Variants in ADGRB3 observed in about 807,000 individuals in gnomAD.
The protein encoded by ADGRB3 is brain-specific angiogenesis inhibitor 3.
ADGRB3 carries 37 observed loss-of-function variants against 193.4 expected under a neutral mutation model. That is an observed-to-expected ratio of 0.19 (90% CI 0.15 to 0.25). The LOEUF (loss-of-function observed/expected upper bound fraction) is 0.25. Ranked by LOEUF, ADGRB3 falls within the 10% of genes least tolerant of loss-of-function variation. The pLI is 1.00. For synonymous variants in ADGRB3, 690 were observed against 644.2 expected (o/e 1.07, Z -1.08); for missense variants, 1,637 against 1,852.9 (o/e 0.88, Z 2.14).
chr6:69,040,014 A>G (rs553331556), intron 13 of ADGRB3, among the ~76,000 whole-genome samples: 3 of 152,244 alleles, frequency 2.0e-5, no homozygotes, highest in South Asian at 4.1e-4. Flanking sequence ...TGCTGGGATT[A>G]CAGGTGTGAG....
At chr6:69,024,026 A>G (rs1770349790) in intron 13 of ADGRB3, among the ~76,000 whole-genome samples, 1 of 152,104 alleles carries the variant, frequency 6.6e-6, no homozygotes, top group East Asian at 1.9e-4. Context: ...TTATTAGAGG[A>G]GTCAAATCTA....
intron 17 of ADGRB3, among the ~76,000 whole-genome samples, chr6:69,126,369 G>A (rs1773852313): frequency 6.6e-6 from 1 of 152,168 alleles, no homozygotes; most frequent in Non-Finnish European, 1.5e-5. Flanking sequence ...ACAAGCTAGA[G>A]AACCAGGAAC....
intron 8 of ADGRB3, among the ~76,000 whole-genome samples, chr6:68,972,196 C>A (rs3798981): frequency 0.02 from 3,020 of 152,296 alleles, 50 homozygotes; most frequent in East Asian, 0.051. Flanking sequence ...CCTACCCTCA[C>A]TTGAGTTGTA....
chr6:68,887,086 C>T (rs944262690), intron 3 of ADGRB3, among the ~76,000 whole-genome samples: 1 of 150,124 alleles, frequency 6.7e-6, no homozygotes, highest in African/African-American at 2.4e-5. Context: ...CACACACACA[C>T]ATACATATAT....
intron 17 of ADGRB3, among the ~76,000 whole-genome samples, chr6:69,167,397 A>G (rs1775157426): frequency 6.6e-6 from 1 of 152,100 alleles, no homozygotes; most frequent in East Asian, 1.9e-4. Flanking sequence ...TCAGGGCAAA[A>G]ACTCAGATAT....
At chr6:69,193,714 ATT>A (rs570143543) in intron 17 of ADGRB3, among the ~76,000 whole-genome samples, 1 of 148,488 alleles carries the variant, frequency 6.7e-6, no homozygotes, top group African/African-American at 2.5e-5. Context: ...TTGAATCTCA[ATT>A]TTTTTTTTTA....
intron 20 of ADGRB3, among the ~76,000 whole-genome samples, chr6:69,288,213 A>G (rs556125568): frequency 6.6e-6 from 1 of 152,210 alleles, no homozygotes; most frequent in South Asian, 2.1e-4. Context: ...CCACCCGCTA[A>G]CAGGCCCCGG....
intron 1 of ADGRB3, 145 bp from the exon 2 acceptor site, chr6:68,637,246 G>C (rs1767980611): frequency 6.6e-6 from 1 of 152,338 alleles, no homozygotes; most frequent in African/African-American, 2.4e-5. Context: ...CAGGGACTTC[G>C]GTCACTGGAT....
chr6:68,723,886 T>C (rs1399259584), intron 3 of ADGRB3, among the ~76,000 whole-genome samples: 1 of 151,614 alleles, frequency 6.6e-6, no homozygotes, highest in Non-Finnish European at 1.5e-5. Context: ...TGAGTGTCAG[T>C]ATCTAAGAGG....
chr6:69,372,035 TTGTC>T lies in ADGRB3; in HGVS notation c.4240-367_4240-364del, dbSNP rs548916190. On this transcript the variant is annotated intron_variant, in intron 29 of 31. Transcript: ENST00000370598. ...TTTCCTATACAACTTTTAATCCTGT[TTGTC>T]TGTAGCTTTGCTGTAGTAAGCCTAA... Among the ~76,000 whole-genome samples, 35 of 152,220 alleles carry T rather than the reference TTGTC, an allele frequency of 2.3e-4. No individual in the cohort carries two copies. The East Asian group carries it at 4.8e-3, about 21-fold the overall frequency.
At chr6:68,742,111 G>A (rs975303075) in intron 3 of ADGRB3, among the ~76,000 whole-genome samples, 7 of 152,190 alleles carry the variant, frequency 4.6e-5, no homozygotes, top group African/African-American at 1.4e-4. Flanking sequence ...GTCATTCACT[G>A]ACTATTATTG....
chr6:68,788,483 C>A (rs926894060), intron 3 of ADGRB3, among the ~76,000 whole-genome samples: 3 of 152,092 alleles, frequency 2.0e-5, no homozygotes, highest in Non-Finnish European at 4.4e-5. Context: ...GTTTCTTAAT[C>A]CTGAGTTCTA....
chr6:68,679,145 TA>T (rs1764834011), intron 3 of ADGRB3, among the ~76,000 whole-genome samples: 2 of 152,200 alleles, frequency 1.3e-5, no homozygotes, highest in Non-Finnish European at 2.9e-5. Context: ...TTGTTAGATA[TA>T]AAAATATTCA....
chr6:68,667,935 C>G (rs1016115446), intron 3 of ADGRB3, among the ~76,000 whole-genome samples: 9 of 151,824 alleles, frequency 5.9e-5, no homozygotes, highest in African/African-American at 2.2e-4. Flanking sequence ...ACACCAGCCT[C>G]GGACCTACAT....
intron 17 of ADGRB3, among the ~76,000 whole-genome samples, chr6:69,198,763 A>G (rs1008582626): frequency 6.6e-6 from 1 of 152,092 alleles, no homozygotes; most frequent in Non-Finnish European, 1.5e-5. Context: ...CTGTACTAGG[A>G]ATCCCCTGAA....
chr6:68,692,364 C>CA (rs1337766596), intron 3 of ADGRB3, among the ~76,000 whole-genome samples: 3 of 151,738 alleles, frequency 2.0e-5, no homozygotes, highest in East Asian at 1.9e-4. Flanking sequence ...TTTAAAATTA[C>CA]AAAAAAAGTA....
At chr6:69,083,584 T>C (rs1036405767) in intron 17 of ADGRB3, among the ~76,000 whole-genome samples, 4 of 152,100 alleles carry the variant, frequency 2.6e-5, no homozygotes, top group African/African-American at 9.7e-5. Context: ...ATTTCATGGG[T>C]GGATAGATCA....
At chr6:69,146,749 G>A (rs143059911) in intron 17 of ADGRB3, among the ~76,000 whole-genome samples, 2 of 150,148 alleles carry the variant, frequency 1.3e-5, no homozygotes, top group East Asian at 2.0e-4. Flanking sequence ...CTAGAATTCA[G>A]TAGTGAAGCT....
intron 11 of ADGRB3, among the ~76,000 whole-genome samples, chr6:69,009,852 C>T (rs1769881009): frequency 6.6e-6 from 1 of 151,998 alleles, no homozygotes; most frequent in Non-Finnish European, 1.5e-5. Flanking sequence ...AATTGCTAGC[C>T]TAATCTACAA....
Sources: allele counts gnomAD v4.1 joint callset (sites outside exome capture counted in the v4.1 genomes callset), GRCh38; gene constraint gnomAD v4.1.1; transcripts MANE v1.5; gene names NCBI Gene and HGNC (gene_info 2026-07-23, HGNC 2026-07-21).